The following SAMD12 variants were observed in gnomAD, a reference collection of about 807,000 sequenced individuals.
SAMD12 encodes the protein sterile alpha motif domain-containing protein 12.
Under a neutral mutation model 15.0 loss-of-function variants are expected in SAMD12, and 9 were observed. That is an observed-to-expected ratio of 0.60 (90% confidence interval 0.36 to 1.05). SAMD12 has a LOEUF of 1.05. SAMD12 is among the 50% of genes least tolerant of loss of function. The pLI, the probability that SAMD12 is intolerant of heterozygous loss-of-function variation, is 0.01. For missense variants in SAMD12, 230 were observed against 234.2 expected (o/e 0.98, Z 0.12); for synonymous variants, 86 against 90.1 (o/e 0.96, Z 0.25).
At chr8:118,431,973 T>A (rs1302015770) in intron 3 of SAMD12, among the ~76,000 whole-genome samples, 1 of 152,064 alleles carries the variant, frequency 6.6e-6, no homozygotes, top group Admixed American at 6.5e-5. Flanking sequence ...TTTGGGTGGT[T>A]TCTATTGATT....
intron 2 of SAMD12, among the ~76,000 whole-genome samples, chr8:118,487,832 G>A (rs1824331242): frequency 1.3e-5 from 2 of 152,032 alleles, no homozygotes; most frequent in Non-Finnish European, 2.9e-5. Context: ...ATATGGTCCA[G>A]CATGGCTGGA....
chr8:118,151,422 C>T, the SAMD12 span, among the ~76,000 whole-genome samples: 1 of 152,062 alleles, frequency 6.6e-6, no homozygotes, highest in African/African-American at 2.4e-5. Flanking sequence ...GTGATGTTGT[C>T]CCACCTCTCA....
chr8:118,264,835 G>C (rs1017308892), intron 4 of SAMD12, among the ~76,000 whole-genome samples: 1 of 152,110 alleles, frequency 6.6e-6, no homozygotes, highest in Admixed American at 6.6e-5. Context: ...TTATAGAAAG[G>C]AAGAGATCAC....
chr8:118,417,971 G>C (rs1214365834), intron 3 of SAMD12, among the ~76,000 whole-genome samples: 1 of 152,248 alleles, frequency 6.6e-6, no homozygotes, highest in African/African-American at 2.4e-5. Context: ...TCAGATGTAT[G>C]ACCTGATCGA....
At position 118,580,773 on chromosome 8, in the gene SAMD12, T is replaced by C. The variant is rs746664942; in HGVS notation, c.134A>G (p.Lys45Arg). 3 of 1,613,388 alleles carry C rather than the reference T, an allele frequency of 1.9e-6. No individual in the cohort carries two copies. The highest frequency in any genetic ancestry group is 2.2e-5 in the South Asian group (2 of 91,050). ...SQSIKNKNFQ[K>R]VPDQKGTPKR... ...GGGAGTTCCTTTCTGGTCAGGCACC[T>C]TCTGGAAATTTTTATTTTTAATGGA... Residue 45 changes from lysine to arginine, a missense_variant, in exon 2 of 4, where the codon AAG becomes AGG. Transcript: ENST00000314727.
At chr8:118,196,630 ACTTGATGTTTCTCT>A (rs1028856798) in exon 5 of SAMD12, 14 of 152,316 alleles carry the variant, frequency 9.2e-5, no homozygotes, top group South Asian at 8.3e-4. Flanking sequence ...TAGTGGGGTC[ACTTGATGTTTCTCT>A]CTTGATGTTT....
chr8:118,230,597 A>T (rs1025000766), intron 4 of SAMD12, among the ~76,000 whole-genome samples: 1 of 152,134 alleles, frequency 6.6e-6, no homozygotes, highest in African/African-American at 2.4e-5. Context: ...TTGAGACTGG[A>T]GAACTACTCT....
At chr8:118,551,726 A>C (rs1826341301) in intron 2 of SAMD12, among the ~76,000 whole-genome samples, 1 of 150,370 alleles carries the variant, frequency 6.7e-6, no homozygotes, top group Non-Finnish European at 1.5e-5. Context: ...CAAAAAATTA[A>C]TGAATCCAGG....
chr8:118,278,097 C>A (rs1043376226), intron 4 of SAMD12, among the ~76,000 whole-genome samples: 1 of 152,196 alleles, frequency 6.6e-6, no homozygotes, highest in Non-Finnish European at 1.5e-5. Flanking sequence ...TGTTTGGGTT[C>A]TAGTGGCAAG....
intron 4 of SAMD12, among the ~76,000 whole-genome samples, chr8:118,231,410 T>A (rs1586366708): frequency 6.6e-6 from 1 of 152,136 alleles, no homozygotes; most frequent in Non-Finnish European, 1.5e-5. Flanking sequence ...TTCCAATAAT[T>A]CATTCATTCG....
intron 4 of SAMD12, among the ~76,000 whole-genome samples, chr8:118,344,482 G>C (rs1376028576): frequency 6.6e-6 from 1 of 152,184 alleles, no homozygotes; most frequent in Admixed American, 6.5e-5. Context: ...GTTTAAAGAT[G>C]AGGAAATAGA....
chr8:118,304,740 A>T (rs1815225156), intron 4 of SAMD12, among the ~76,000 whole-genome samples: 1 of 148,942 alleles, frequency 6.7e-6, no homozygotes, highest in Non-Finnish European at 1.5e-5. Context: ...AGCCTGGGCA[A>T]CAGAACGAGA....
chr8:118,511,918 G>A (rs1274209167), intron 2 of SAMD12, among the ~76,000 whole-genome samples: 1 of 152,136 alleles, frequency 6.6e-6, no homozygotes, highest in Non-Finnish European at 1.5e-5. Context: ...AGGATGAAAA[G>A]ACAAATCAAA....
intron 2 of SAMD12, among the ~76,000 whole-genome samples, chr8:118,560,860 A>AT (rs527295564): frequency 6.6e-5 from 10 of 152,294 alleles, no homozygotes; most frequent in Non-Finnish European, 1.5e-4. Context: ...AATATAGAAA[A>AT]ATAATACAAA....
At chr8:118,207,646 A>G (rs1018441895) in intron 4 of SAMD12, among the ~76,000 whole-genome samples, 3 of 152,136 alleles carry the variant, frequency 2.0e-5, no homozygotes, top group Admixed American at 2.0e-4. Flanking sequence ...CAGAGCACAG[A>G]GCCTTGTGTG....
At chr8:118,565,349 C>A in intron 2 of SAMD12, among the ~76,000 whole-genome samples, 1 of 152,174 alleles carries the variant, frequency 6.6e-6, no homozygotes, top group Non-Finnish European at 1.5e-5. Context: ...CTAGCCAAGT[C>A]CTTTCATGTT....
intron 4 of SAMD12, among the ~76,000 whole-genome samples, chr8:118,246,975 G>A (rs1408383928): frequency 2.0e-5 from 3 of 152,106 alleles, no homozygotes; most frequent in African/African-American, 4.8e-5. Context: ...TCCCTCAGTA[G>A]GTGAAAAGGA....
At chr8:118,291,737 T>C (rs1814380133) in intron 4 of SAMD12, among the ~76,000 whole-genome samples, 1 of 151,688 alleles carries the variant, frequency 6.6e-6, no homozygotes, top group African/African-American at 2.4e-5. Context: ...GAAAGACCCA[T>C]GTAAACTGTC....
At chr8:118,361,829 G>T (rs1040387529) in intron 4 of SAMD12, among the ~76,000 whole-genome samples, 11 of 152,236 alleles carry the variant, frequency 7.2e-5, no homozygotes, top group South Asian at 6.2e-4. Context: ...CTTTTAAATT[G>T]ATGTAAGAGA....
Sources: gnomAD v4.1 joint callset for allele counts (sites outside exome capture counted in the v4.1 genomes callset) on GRCh38, gnomAD v4.1.1 for gene constraint, MANE v1.5 for transcripts, NCBI Gene and HGNC (gene_info 2026-07-23, HGNC 2026-07-21) for gene names.